Variants in HMCN1 observed in about 807,000 individuals in gnomAD.
The protein encoded by HMCN1 is hemicentin 1.
Under a neutral mutation model 625.9 loss-of-function variants are expected in HMCN1, and 321 were observed. The ratio of observed to expected loss-of-function variants is 0.51; its 90% CI spans 0.47 to 0.56. The LOEUF is 0.56. Among genes scored for constraint, HMCN1 ranks in the 20% least tolerant of loss-of-function variants. The pLI, the probability that HMCN1 is intolerant of heterozygous loss-of-function variation, is 0.00. For synonymous variants in HMCN1, 2,425 were observed against 2,417.6 expected (o/e 1.00, Z -0.09); for missense variants, 6,588 against 6,887.3 (o/e 0.96, Z 1.54).
rs943223654 is a variant in HMCN1, at chr1:185,944,944, C to G, written c.1828+11120C>G. Among the ~76,000 whole-genome samples the G allele has an allele frequency of 3.3e-5, 5 of 152,154 alleles. No individual in the cohort carries two copies. In the East Asian group the frequency reaches 9.6e-4, roughly 29 times the overall value. ...TAAAAAATTTTGGTTCAAATTTCCCCTAAACATTGTTTAATATTTTTTGTG... is the reference window on the plus strand; with the variant it reads ...TAAAAAATTTTGGTTCAAATTTCCCGTAAACATTGTTTAATATTTTTTGTG... On this transcript the variant is annotated intron_variant, in intron 11 of 106. Transcript: ENST00000271588.
chr1:185,999,543 G>A (rs896141273), intron 25 of HMCN1, among the ~76,000 whole-genome samples: 2 of 152,042 alleles, frequency 1.3e-5, no homozygotes, highest in African/African-American at 4.8e-5. Context: ...ATGAACAGTA[G>A]AGTTTCCTCA....
In HMCN1 at chr1:186,166,767, T is replaced by A. The variant is rs1345889783; in HGVS notation, c.15440-41T>A. ...TCACCGCAGGTTCTTGGGCTGGGTGTTCTTCAGCTCACCTCAGTTGAATGA... is the reference window on the plus strand; with the variant it reads ...TCACCGCAGGTTCTTGGGCTGGGTGATCTTCAGCTCACCTCAGTTGAATGA... On this transcript the variant is annotated intron_variant, in intron 99 of 106. Transcript: ENST00000271588. 3.1e-6 allele frequency: 5 copies of A among 1,613,958 alleles called. No individual in the cohort carries two copies. The South Asian group carries it at 4.4e-5, about 14-fold the overall frequency.
At chr1:185,856,871 TC>T (rs902123266) in intron 2 of HMCN1, among the ~76,000 whole-genome samples, 1 of 152,220 alleles carries the variant, frequency 6.6e-6, no homozygotes. Context: ...GCATGCTTGC[TC>T]TGAGATTAAC....
intron 23 of HMCN1, 108 bp from the exon 24 acceptor site, chr1:185,994,707 T>G: frequency 5.2e-6 from 6 of 1,146,606 alleles, no homozygotes; most frequent in Non-Finnish European, 7.8e-6. Context: ...AATTCTGAAA[T>G]TATTTCACTT....
intron 41 of HMCN1, among the ~76,000 whole-genome samples, chr1:186,046,427 C>G (rs911644347): frequency 2.6e-5 from 4 of 152,080 alleles, no homozygotes; most frequent in African/African-American, 9.7e-5. Context: ...CAAGATCACA[C>G]CACTGCACTC....
intron 23 of HMCN1, among the ~76,000 whole-genome samples, chr1:185,994,505 G>A (rs1468643287): frequency 6.6e-6 from 1 of 152,082 alleles, no homozygotes; most frequent in Admixed American, 6.6e-5. Flanking sequence ...ATTAAAAGAA[G>A]CCTAATATTT....
chr1:185,765,555 T>C lies in HMCN1; in HGVS notation c.268+30508T>C, dbSNP rs1426498913. ...ACTCTTGAGGTAAGTACCACCAGTA[T>C]CCCTGTTTCACAGATTAGGTCACCA... On this transcript the variant is annotated intron_variant, in intron 1 of 106. Transcript: ENST00000271588. Among the ~76,000 whole-genome samples, 7 of 152,160 alleles carry C rather than the reference T, an allele frequency of 4.6e-5. 1 individual carries two copies. The highest frequency in any genetic ancestry group is 1.0e-4 in the Non-Finnish European group (7 of 68,024).
At chr1:186,073,597 C>G (rs1279593583) in intron 52 of HMCN1, among the ~76,000 whole-genome samples, 3 of 151,924 alleles carry the variant, frequency 2.0e-5, no homozygotes, top group Non-Finnish European at 4.4e-5. Context: ...TGAGCAGAAA[C>G]TGATTTTAAC....
chr1:186,165,071 T>C (rs1651792236), intron 97 of HMCN1, 40 bp from the exon 98 acceptor site: 2 of 1,578,126 alleles, frequency 1.3e-6, no homozygotes, highest in Non-Finnish European at 1.7e-6. Context: ...GGGCAACTAT[T>C]CCAATAAGCC....
At chr1:185,919,078 T>C (rs982217505) in intron 6 of HMCN1, among the ~76,000 whole-genome samples, 8 of 150,990 alleles carry the variant, frequency 5.3e-5, no homozygotes, top group Non-Finnish European at 8.8e-5. Flanking sequence ...TTAGGACATA[T>C]ATATATATAT....
chr1:186,088,261 A>G lies in HMCN1; in HGVS notation c.9562A>G (p.Asn3188Asp). ...ACCTCCCACGATAGCATGGTTAAAGAACCACAAGCGCATAGGTAAGGCAAC... is the reference window on the plus strand; with the variant it reads ...ACCTCCCACGATAGCATGGTTAAAGGACCACAAGCGCATAGGTAAGGCAAC... ...IPPPTIAWLK[N>D]HKRIENSDSL... The change falls in exon 62 of 107, where the codon AAC (asparagine) becomes GAC (aspartate). Residue 3188 changes from asparagine to aspartate, a missense_variant. Transcript: ENST00000271588. The G allele has an allele frequency of 6.2e-7, 1 of 1,612,820 alleles. No homozygotes were observed. The highest frequency in any genetic ancestry group is 8.5e-7 in the Non-Finnish European group (1 of 1,179,176).
chr1:186,166,399 C>G (rs1651882485), intron 99 of HMCN1, 96 bp downstream of exon 99: 7 of 1,445,016 alleles, frequency 4.8e-6, no homozygotes, highest in Non-Finnish European at 4.8e-6. Flanking sequence ...TTTCCTACTA[C>G]TTCTGCCCAC....
chr1:186,122,841 T>A lies in HMCN1; in HGVS notation c.12230-110T>A, dbSNP rs1241561117. Reference sequence around the variant, plus strand: ...CTCCTTTTCTAATGATATGGTGAAGTCAGGATTTTGTTTCTTATCAATGTT... The same window carrying A: ...CTCCTTTTCTAATGATATGGTGAAGACAGGATTTTGTTTCTTATCAATGTT... On this transcript the variant is annotated intron_variant, in intron 80 of 106. Transcript: ENST00000271588. 9 of 1,154,792 alleles carry A rather than the reference T, an allele frequency of 7.8e-6. No homozygotes were observed. The East Asian group carries it at 1.9e-4, about 25-fold the overall frequency. 71.5% of individuals were successfully genotyped at this position (1,154,792 alleles called of 1,614,324 possible).
At chr1:186,159,504 CA>C (rs1214802606) in intron 97 of HMCN1, among the ~76,000 whole-genome samples, 3 of 152,170 alleles carry the variant, frequency 2.0e-5, no homozygotes, top group Non-Finnish European at 4.4e-5. Flanking sequence ...TGCCAGTTTT[CA>C]AAGGGAATGC....
chr1:185,802,049 A>T (rs980881723), intron 1 of HMCN1, among the ~76,000 whole-genome samples: 14 of 152,132 alleles, frequency 9.2e-5, no homozygotes, highest in African/African-American at 3.4e-4. Flanking sequence ...CTGAGAGATA[A>T]AAAGGACTAA....
intron 102 of HMCN1, among the ~76,000 whole-genome samples, chr1:186,172,985 G>A (rs952685925): frequency 1.3e-5 from 2 of 152,134 alleles, no homozygotes; most frequent in African/African-American, 2.4e-5. Flanking sequence ...ACTAGATGGA[G>A]ATGACAGAAA....
At chr1:186,021,541 G>A (rs945351374) in intron 35 of HMCN1, among the ~76,000 whole-genome samples, 2 of 151,716 alleles carry the variant, frequency 1.3e-5, no homozygotes, top group Non-Finnish European at 2.9e-5. Context: ...GACCTAGTTC[G>A]ATCTTTAAAA....
chr1:186,017,993 T>G (rs1267139371), intron 33 of HMCN1, among the ~76,000 whole-genome samples, 190 bp from the exon 34 acceptor site: 1 of 152,048 alleles, frequency 6.6e-6, no homozygotes, highest in Admixed American at 6.6e-5. Flanking sequence ...CCATAATTAT[T>G]GGGTTCCAAC....
At position 185,970,426 on chromosome 1, in the gene HMCN1, C is replaced by T. The variant is rs373154967; in HGVS notation, c.2304C>T (p.Gly768=). 38 of 1,613,300 alleles carry T rather than the reference C, an allele frequency of 2.4e-5. No individual in the cohort carries two copies. Among genetic ancestry groups the T allele is most frequent in the African/African-American group, 1.6e-4 (12 of 74,882 alleles). ...KIQETQDLDA[G]DYTCVAINEA... is the part of the protein sequence containing the mutation. ...AAGAAACACAAGATCTGGATGCTGG[C>T]GATTATACCTGTGTAGCCATCAATG... is the stretch of plus-strand genomic sequence containing the variant. The change falls in exon 15 of 107, where the codon GGC becomes GGT. Residue 768 remains glycine, a synonymous_variant. Transcript: ENST00000271588.
Sources: allele counts gnomAD v4.1 joint callset (sites outside exome capture counted in the v4.1 genomes callset), GRCh38; gene constraint gnomAD v4.1.1; transcripts MANE v1.5; gene names NCBI Gene and HGNC (gene_info 2026-07-23, HGNC 2026-07-21).